TEAD1: variants seen among roughly 807,000 people sequenced by gnomAD.
The protein encoded by TEAD1 is TEA domain transcription factor 1.
Under a neutral mutation model 54.9 loss-of-function variants are expected in TEAD1, and 9 were observed. The observed-to-expected ratio is 0.16, with a 90% CI of 0.10 to 0.29. The LOEUF (loss-of-function observed/expected upper bound fraction) is 0.29. Ranked by LOEUF, TEAD1 falls within the 10% of genes least tolerant of loss-of-function variation. The probability of loss-of-function intolerance (pLI) is 1.00; values close to 1 mark genes in which losing one functional copy is unlikely to be tolerated. For missense variants in TEAD1, 387 were observed against 535.9 expected (o/e 0.72, Z 2.74); for synonymous variants, 200 against 187.8 (o/e 1.07, Z -0.53).
chr11:12,870,827 A>G (rs943444915), intron 5 of TEAD1, among the ~76,000 whole-genome samples: 4 of 152,212 alleles, frequency 2.6e-5, no homozygotes, highest in African/African-American at 9.6e-5. Flanking sequence ...TGGAGGTTGC[A>G]GTGAGCCGAG....
At chr11:12,794,888 G>C (rs2133966573) in intron 3 of TEAD1, among the ~76,000 whole-genome samples, 1 of 152,284 alleles carries the variant, frequency 6.6e-6, no homozygotes, top group Non-Finnish European at 1.5e-5. Context: ...TAGTACCTCT[G>C]ACAAGGAAAG....
At chr11:12,737,300 G>A (rs1944555615) in intron 2 of TEAD1, among the ~76,000 whole-genome samples, 2 of 148,062 alleles carry the variant, frequency 1.4e-5, no homozygotes, top group Admixed American at 1.4e-4. Context: ...AATAAGGATG[G>A]TATGACTAAA....
chr11:12,771,807 A>T (rs963551381), intron 3 of TEAD1, among the ~76,000 whole-genome samples: 4 of 152,158 alleles, frequency 2.6e-5, no homozygotes, highest in Non-Finnish European at 4.4e-5. Flanking sequence ...ACTGGCATGG[A>T]TATTAAATGG....
At chr11:12,710,576 TAAAG>T (rs1311123549) in intron 2 of TEAD1, among the ~76,000 whole-genome samples, 1 of 152,140 alleles carries the variant, frequency 6.6e-6, no homozygotes, top group Non-Finnish European at 1.5e-5. Context: ...ATTTATTTAA[TAAAG>T]AGGGAGCATC....
chr11:12,804,776 G>C (rs1259475832), intron 3 of TEAD1, among the ~76,000 whole-genome samples: 3 of 152,168 alleles, frequency 2.0e-5, no homozygotes, highest in African/African-American at 7.2e-5. Context: ...TATGTGTTGG[G>C]ATGCAAAGGT....
At chr11:12,761,655 T>G (rs1945105366) in intron 2 of TEAD1, among the ~76,000 whole-genome samples, 1 of 152,102 alleles carries the variant, frequency 6.6e-6, no homozygotes, top group Non-Finnish European at 1.5e-5. Context: ...GGCAGAGGGA[T>G]GATGGTTTCT....
intron 3 of TEAD1, among the ~76,000 whole-genome samples, chr11:12,765,914 G>A (rs1945199265): frequency 6.6e-6 from 1 of 152,122 alleles, no homozygotes; most frequent in South Asian, 2.1e-4. Flanking sequence ...ATCTCAGCCT[G>A]GCTATTTGCT....
At chr11:12,678,299 T>G (rs1255836252) in intron 2 of TEAD1, among the ~76,000 whole-genome samples, 1 of 152,228 alleles carries the variant, frequency 6.6e-6, no homozygotes, top group Non-Finnish European at 1.5e-5. Flanking sequence ...AATGTCCAAC[T>G]TTTGGACTCA....
At position 12,939,379 on chromosome 11, in the gene TEAD1, T is replaced by A. The variant is rs10831923; in HGVS notation, c.*2157T>A. 0.39 allele frequency: 59,916 copies of A among 152,254 alleles called. 12,161 individuals are homozygous for A. The highest frequency in any genetic ancestry group is 0.47 in the African/African-American group (19,485 of 41,468). The allele number at this position is 152,254 out of a possible 1,614,324, so 9.4% of individuals were successfully genotyped here. On this transcript the variant is annotated 3_prime_UTR_variant, in exon 13 of 13. Coordinates refer to ENST00000527636, the MANE Select transcript of TEAD1 (RefSeq NM_021961.6). ...CCCATCCTCTCCCAGGACCAGGAGT[T>A]TATGACCAGGCGAGCACAAATGGCT... is the stretch of plus-strand genomic sequence containing the variant.
chr11:12,858,782 T>C (rs1947442082), intron 3 of TEAD1, among the ~76,000 whole-genome samples: 2 of 152,204 alleles, frequency 1.3e-5, no homozygotes, highest in Non-Finnish European at 1.5e-5. Flanking sequence ...GTTGAAGTCA[T>C]AATTTTTAGA....
At chr11:12,692,241 C>T (rs186263281) in intron 2 of TEAD1, among the ~76,000 whole-genome samples, 304 of 152,324 alleles carry the variant, frequency 2.0e-3, no homozygotes, top group African/African-American at 7.0e-3. Context: ...CCAGTCCCCC[C>T]AGCAAAGCAG....
intron 3 of TEAD1, among the ~76,000 whole-genome samples, chr11:12,789,994 G>A (rs571938403): frequency 4.3e-4 from 65 of 152,268 alleles, no homozygotes; most frequent in African/African-American, 1.4e-3. Context: ...TCTATCACTC[G>A]TTGGTGACAG....
At chr11:12,704,790 C>T (rs1016098005) in intron 2 of TEAD1, among the ~76,000 whole-genome samples, 3 of 152,232 alleles carry the variant, frequency 2.0e-5, no homozygotes, top group Admixed American at 2.0e-4. Flanking sequence ...TAATAGCTAA[C>T]ATTTACCAGG....
At chr11:12,736,763 T>G (rs897347205) in intron 2 of TEAD1, among the ~76,000 whole-genome samples, 1 of 152,198 alleles carries the variant, frequency 6.6e-6, no homozygotes, top group Non-Finnish European at 1.5e-5. Context: ...AAGCAGAGAA[T>G]GTCTCCTTGA....
At chr11:12,773,904 T>TAA (rs1247104765) in intron 3 of TEAD1, among the ~76,000 whole-genome samples, 1 of 152,230 alleles carries the variant, frequency 6.6e-6, no homozygotes, top group African/African-American at 2.4e-5. Flanking sequence ...TGTCTTGTTC[T>TAA]AAGAGTTTAT....
intron 2 of TEAD1, among the ~76,000 whole-genome samples, chr11:12,747,120 A>G (rs960623429): frequency 1.3e-5 from 2 of 152,142 alleles, no homozygotes; most frequent in Non-Finnish European, 2.9e-5. Flanking sequence ...GTAATTCCTT[A>G]GACAAGGATG....
intron 10 of TEAD1, among the ~76,000 whole-genome samples, chr11:12,917,549 G>T (rs1262980510): frequency 4.6e-5 from 7 of 152,172 alleles, no homozygotes; most frequent in Non-Finnish European, 1.0e-4. Context: ...ATAGAGATGG[G>T]GTCTTGCTGT....
chr11:12,802,631 G>T (rs750160753), intron 3 of TEAD1, among the ~76,000 whole-genome samples: 5 of 152,084 alleles, frequency 3.3e-5, no homozygotes, highest in Non-Finnish European at 7.4e-5. Flanking sequence ...AGAGGTTCTG[G>T]TGGCCAGGTG....
rs530113645 is a variant in TEAD1, at chr11:12,832,450, A to G, written c.203-29800A>G. Among the ~76,000 whole-genome samples the G allele has an allele frequency of 2.6e-5, 4 of 152,340 alleles. No homozygotes were observed. The South Asian group carries it at 8.3e-4, about 32-fold the overall frequency. On this transcript the variant is annotated intron_variant, in intron 3 of 12. Transcript: ENST00000527636. The stretch of plus-strand genomic sequence containing the variant: ...ATGTTCCCAAGACCAAATTTAATCT[A>G]TACATTCTTGGTAAGACCTTATTTT...
Sources: allele counts gnomAD v4.1 joint callset (sites outside exome capture counted in the v4.1 genomes callset), GRCh38; gene constraint gnomAD v4.1.1; transcripts MANE v1.5; gene names NCBI Gene and HGNC (gene_info 2026-07-23, HGNC 2026-07-21).